Variants in ZFHX3 observed in about 807,000 individuals in gnomAD.
The protein encoded by ZFHX3 is zinc finger homeobox 3, also known as zinc finger homeobox protein 3.
ZFHX3 carries 42 observed loss-of-function variants against 279.1 expected under a neutral mutation model. That is an observed-to-expected ratio of 0.15 (90% CI 0.12 to 0.19). ZFHX3 has a LOEUF of 0.19. Among genes scored for constraint, ZFHX3 ranks in the 10% least tolerant of loss-of-function variants. The probability of loss-of-function intolerance (pLI) is 1.00; values close to 1 mark genes in which losing one functional copy is unlikely to be tolerated. For missense variants in ZFHX3, 4,981 were observed against 4,754.0 expected, an observed-to-expected ratio of 1.05 and a Z score of -1.40; for synonymous variants, 2,293 against 1,957.8, an observed-to-expected ratio of 1.17 and a Z score of -4.52.
intron 8 of ZFHX3, chr16:73,092,404 G>A (rs1197136837): frequency 6.5e-6 from 1 of 152,960 alleles, no homozygotes; most frequent in Non-Finnish European, 1.5e-5. Context: ...AGAAAACGGA[G>A]TATTGTTTCC....
At chr16:73,836,280 T>C (rs1197225182) in intron 1 of ZFHX3, among the ~76,000 whole-genome samples, 2 of 152,182 alleles carry the variant, frequency 1.3e-5, no homozygotes, top group East Asian at 3.9e-4. Flanking sequence ...AGTCCACTAC[T>C]ACAGGAGACA....
At chr16:72,980,995 C>A (rs1342229398) in intron 1 of ZFHX3, among the ~76,000 whole-genome samples, 1 of 151,952 alleles carries the variant, frequency 6.6e-6, no homozygotes, top group East Asian at 1.9e-4. Context: ...TCAGGAACAT[C>A]TTCTAAAAGA....
chr16:73,568,987 A>T (rs1330630579), intron 2 of ZFHX3, among the ~76,000 whole-genome samples: 1 of 152,018 alleles, frequency 6.6e-6, no homozygotes, highest in Non-Finnish European at 1.5e-5. Context: ...TCTCCAGCCC[A>T]GGCAGTTCAT....
At chr16:73,143,453 A>G (rs961476308) in intron 6 of ZFHX3, among the ~76,000 whole-genome samples, 31 of 152,222 alleles carry the variant, frequency 2.0e-4, no homozygotes, top group African/African-American at 7.5e-4. Flanking sequence ...TATTTCTGTC[A>G]CATTCATTGT....
chr16:72,960,972 A>G (rs1961548540), intron 1 of ZFHX3, among the ~76,000 whole-genome samples: 2 of 152,138 alleles, frequency 1.3e-5, no homozygotes, highest in Admixed American at 6.5e-5. Flanking sequence ...GGGTCCCCAG[A>G]TTCCTGTCTC....
At position 73,259,615 on chromosome 16, in the gene ZFHX3, C is replaced by T. The variant is rs146722708; in HGVS notation, c.-1193-2479G>A. On this transcript the variant is annotated intron_variant, in intron 4 of 17. Coordinates refer to the ZFHX3 transcript ENST00000641206. ...CAGAGAAAATGTGCAGTTTCTATAGCAGGCAATTTGATGAAATCTATCAAA... is the reference window on the plus strand; with the variant it reads ...CAGAGAAAATGTGCAGTTTCTATAGTAGGCAATTTGATGAAATCTATCAAA... Among the ~76,000 whole-genome samples the T allele has an allele frequency of 6.8e-4, 103 of 152,262 alleles. 1 individual carries two copies. In the Middle Eastern group the frequency reaches 0.02, roughly 30 times the overall value.
intron 3 of ZFHX3, among the ~76,000 whole-genome samples, chr16:72,917,186 A>G (rs1243443250): frequency 6.6e-6 from 1 of 152,214 alleles, no homozygotes; most frequent in African/African-American, 2.4e-5. Flanking sequence ...GGCTACAGCG[A>G]GCCATGATCA....
At chr16:73,319,072 G>A (rs1292849657) in intron 3 of ZFHX3, among the ~76,000 whole-genome samples, 1 of 151,796 alleles carries the variant, frequency 6.6e-6, no homozygotes, top group Non-Finnish European at 1.5e-5. Flanking sequence ...ATACCATGGA[G>A]GGGGTGAGGT....
At chr16:73,806,272 T>G (rs1196835594) in intron 1 of ZFHX3, among the ~76,000 whole-genome samples, 2 of 152,078 alleles carry the variant, frequency 1.3e-5, no homozygotes, top group Non-Finnish European at 2.9e-5. Context: ...CCAGAGCACA[T>G]CTGGAGTAGA....
At chr16:72,841,749 G>C (rs2037351074) in intron 4 of ZFHX3, among the ~76,000 whole-genome samples, 1 of 152,162 alleles carries the variant, frequency 6.6e-6, no homozygotes, top group Non-Finnish European at 1.5e-5. Flanking sequence ...TCAGACCTAA[G>C]AACAGGCTAG....
chr16:73,811,842 A>G (rs531180956), intron 1 of ZFHX3, among the ~76,000 whole-genome samples: 1 of 152,268 alleles, frequency 6.6e-6, no homozygotes, highest in South Asian at 2.1e-4. Context: ...GTTTGCCACC[A>G]CTTGGGAGAC....
chr16:73,202,367 G>A (rs1035256541), intron 5 of ZFHX3, among the ~76,000 whole-genome samples: 2 of 152,200 alleles, frequency 1.3e-5, no homozygotes, highest in African/African-American at 2.4e-5. Flanking sequence ...CCAATCAAAA[G>A]CCACATGGAA....
Position 72,797,250 on chromosome 16 carries a change from G to A in ZFHX3, c.5432C>T (p.Pro1811Leu), listed in dbSNP as rs1480302810. The A allele has an allele frequency of 1.2e-6, 2 of 1,613,670 alleles. No individual in the cohort carries two copies. The highest frequency in any genetic ancestry group is 1.7e-6 in the Non-Finnish European group (2 of 1,179,758). The change falls in exon 9 of 10, where the codon CCC becomes CTC. Residue 1811 changes from proline to leucine, a missense_variant. Physicochemically the swap from Pro to Leu is moderately conservative, Grantham distance 98 (BLOSUM62 -3). This residue lies in a region of ZFHX3 where 1,751 missense variants were observed against 1,770.0 expected (regional missense o/e 0.99). Coordinates refer to ENST00000268489, the MANE Select transcript of ZFHX3 (RefSeq NM_006885.4). ...YIPSAEFQLN[P>L]EVSLPVTSGA... Reference sequence around the variant, plus strand: ...ACTGGTCACTGGCAAGCTCACCTCGGGGTTAAGCTGGAACTCAGCACTGGG... The same window carrying A: ...ACTGGTCACTGGCAAGCTCACCTCGAGGTTAAGCTGGAACTCAGCACTGGG...
chr16:73,307,210 G>C (rs9923546), intron 4 of ZFHX3, among the ~76,000 whole-genome samples: 1 of 152,168 alleles, frequency 6.6e-6, no homozygotes, highest in Non-Finnish European at 1.5e-5. Flanking sequence ...GCCAACCATC[G>C]TACACATGAT....
Position 73,806,770 on chromosome 16 carries a change from T to C in ZFHX3, c.-1608+84881A>G, listed in dbSNP as rs569124327. Among the ~76,000 whole-genome samples the C allele has an allele frequency of 2.6e-5, 4 of 152,294 alleles. No homozygotes were observed. In the South Asian group the frequency reaches 8.3e-4, roughly 32 times the overall value. The stretch of plus-strand genomic sequence containing the variant: ...ACACTTTTTAAAAATCGGTGAAGCA[T>C]GCCACTTTTGGAAAATGAGACCAAG... On this transcript the variant is annotated intron_variant, in intron 1 of 17. Coordinates refer to the ZFHX3 transcript ENST00000641206.
chr16:72,812,084 A>G, intron 5 of ZFHX3, 46 bp from the exon 6 acceptor site: 1 of 1,600,758 alleles, frequency 6.2e-7, no homozygotes, highest in Middle Eastern at 1.7e-4. Context: ...AGACCAGGCC[A>G]GCTCCCAGAG....
intron 2 of ZFHX3, among the ~76,000 whole-genome samples, chr16:73,659,669 T>C (rs776063369): frequency 2.6e-5 from 4 of 152,114 alleles, no homozygotes; most frequent in Non-Finnish European, 4.4e-5. Flanking sequence ...AAGCAAAGCA[T>C]GGCAAAGTCT....
rs191670805 is a variant in ZFHX3, at chr16:73,863,153, C to T, written c.-1608+28498G>A. Among the ~76,000 whole-genome samples the T allele has an allele frequency of 2.5e-3, 382 of 152,276 alleles. 13 individuals carry two copies. Among genetic ancestry groups the T allele is most frequent in the Admixed American group, 0.021 (324 of 15,300 alleles). On this transcript the variant is annotated intron_variant, in intron 1 of 17. Coordinates refer to the ZFHX3 transcript ENST00000641206. ...CCCGGGAGGCGGAGGTTGCAGTGAG[C>T]GGAGATCGTGCCAATGCACTCCAGC...
At chr16:72,982,307 G>A (rs529215004) in intron 1 of ZFHX3, among the ~76,000 whole-genome samples, 5 of 152,232 alleles carry the variant, frequency 3.3e-5, no homozygotes, top group African/African-American at 7.2e-5. Flanking sequence ...TGACTCCTAC[G>A]AGTCATTCTT....
Sources: allele counts gnomAD v4.1 joint callset (sites outside exome capture counted in the v4.1 genomes callset), GRCh38; gene constraint gnomAD v4.1.1; regional missense constraint gnomAD v4.1.1; transcripts MANE v1.5; gene names NCBI Gene and HGNC (gene_info 2026-07-23, HGNC 2026-07-21).